Variants in NRXN3 observed in about 807,000 individuals in gnomAD.
The protein encoded by NRXN3 is neurexin III.
Under a neutral mutation model 137.6 loss-of-function variants are expected in NRXN3, and 32 were observed. The observed-to-expected ratio is 0.23, with a 90% CI of 0.18 to 0.31. The LOEUF (loss-of-function observed/expected upper bound fraction) is 0.31. Ranked by LOEUF, NRXN3 falls within the 10% of genes least tolerant of loss-of-function variation. The probability of loss-of-function intolerance (pLI) is 1.00; values close to 1 mark genes in which losing one functional copy is unlikely to be tolerated. For missense variants in NRXN3, 1,574 were observed against 2,062.5 expected (o/e 0.76, Z 4.59); for synonymous variants, 798 against 784.5 (o/e 1.02, Z -0.29).
intron 15 of NRXN3, among the ~76,000 whole-genome samples, chr14:79,303,671 T>TG (rs2085528447): frequency 6.6e-6 from 1 of 152,078 alleles, no homozygotes; most frequent in Non-Finnish European, 1.5e-5. Context: ...TAAATATTTT[T>TG]GGCTTTTCAC....
chr14:79,625,572 A>G (rs534217055), intron 16 of NRXN3, among the ~76,000 whole-genome samples: 99 of 151,986 alleles, frequency 6.5e-4, no homozygotes, highest in African/African-American at 2.4e-3. Flanking sequence ...TCCCACTAAC[A>G]GTGTACAGGC....
rs2099420482 is a variant in NRXN3 at position 78,967,341 on chromosome 14, G to A, written c.2911G>A (p.Val971Met). The A allele has an allele frequency of 2.5e-6, 4 of 1,614,086 alleles. No individual in the cohort carries two copies. The highest frequency in any genetic ancestry group is 1.1e-5 in the South Asian group (1 of 91,080). Residue 971 changes from valine to methionine, a missense_variant, in exon 13 of 21, where the codon GTG becomes ATG. Val to Met is a conservative substitution (Grantham distance 21). Around this residue, in one of 5 missense-constraint regions of NRXN3, gnomAD observed 718 missense variants for 887.6 expected, o/e 0.81. Coordinates refer to ENST00000335750, the MANE Select transcript of NRXN3 (RefSeq NM_001330195.2). ...CAATAGTAACACTCATAGCCTGAAA[G>A]TGGACACCAAAGTGGTCACTCAGGT... ...RDNSNTHSLK[V>M]DTKVVTQVIN...
intron 6 of NRXN3, among the ~76,000 whole-genome samples, chr14:78,685,802 T>TTTTC (rs1489419253): frequency 1.4e-5 from 2 of 147,276 alleles, no homozygotes; most frequent in South Asian, 4.2e-4. Flanking sequence ...CAGCTAATGT[T>TTTTC]TTTCTTTCTT....
chr14:79,737,454 A>AT (rs1317483304), intron 19 of NRXN3, among the ~76,000 whole-genome samples: 1 of 152,230 alleles, frequency 6.6e-6, no homozygotes, highest in Non-Finnish European at 1.5e-5. Flanking sequence ...GATTAAAAAC[A>AT]TTAACTATAG....
intron 4 of NRXN3, among the ~76,000 whole-genome samples, chr14:78,387,415 T>C (rs749170758): frequency 6.6e-6 from 1 of 152,166 alleles, no homozygotes; most frequent in Non-Finnish European, 1.5e-5. Flanking sequence ...GGGGTGACCT[T>C]AAATAAGTGA....
intron 15 of NRXN3, among the ~76,000 whole-genome samples, chr14:79,334,598 T>G (rs2092094692): frequency 6.6e-6 from 1 of 152,192 alleles, no homozygotes; most frequent in South Asian, 2.1e-4. Flanking sequence ...GGCTTTGAAT[T>G]TAATATAATT....
intron 4 of NRXN3, among the ~76,000 whole-genome samples, chr14:78,302,564 T>C (rs1279800984): frequency 1.3e-5 from 2 of 152,192 alleles, no homozygotes; most frequent in African/African-American, 4.8e-5. Flanking sequence ...TAGCTACCTC[T>C]CTACACTGAC....
At chr14:78,699,036 G>A (rs2098254434) in intron 6 of NRXN3, among the ~76,000 whole-genome samples, 1 of 151,928 alleles carries the variant, frequency 6.6e-6, no homozygotes, top group Non-Finnish European at 1.5e-5. Flanking sequence ...CACGTACTTT[G>A]TGTCAGGCAT....
intron 6 of NRXN3, among the ~76,000 whole-genome samples, chr14:78,665,573 T>G (rs1362943696): frequency 6.6e-6 from 1 of 152,014 alleles, no homozygotes; most frequent in Non-Finnish European, 1.5e-5. Context: ...ACTGAATCAA[T>G]GAGATAGTGA....
intron 16 of NRXN3, among the ~76,000 whole-genome samples, chr14:79,582,288 G>C (rs2097723855): frequency 6.6e-6 from 1 of 151,994 alleles, no homozygotes; most frequent in African/African-American, 2.4e-5. Flanking sequence ...TAAGGTAATA[G>C]GAGCTCACAA....
intron 20 of NRXN3, among the ~76,000 whole-genome samples, chr14:79,834,153 C>T (rs762872187): frequency 2.0e-5 from 3 of 152,066 alleles, no homozygotes; most frequent in Non-Finnish European, 2.9e-5. Flanking sequence ...AAACAGGTCC[C>T]ACGGCTACCA....
chr14:79,224,699 A>G (rs1056918398), intron 15 of NRXN3, among the ~76,000 whole-genome samples: 1 of 152,180 alleles, frequency 6.6e-6, no homozygotes, highest in Admixed American at 6.5e-5. Context: ...TCTGACTTGT[A>G]TCCTTATAAT....
intron 15 of NRXN3, among the ~76,000 whole-genome samples, chr14:79,372,802 G>A (rs2094149171): frequency 6.6e-6 from 1 of 152,180 alleles, no homozygotes; most frequent in Middle Eastern, 3.4e-3. Flanking sequence ...TACCCCCAAA[G>A]AAACTTGACA....
intron 4 of NRXN3, among the ~76,000 whole-genome samples, chr14:78,327,120 C>T (rs2080202245): frequency 6.6e-6 from 1 of 152,134 alleles, no homozygotes; most frequent in Non-Finnish European, 1.5e-5. Context: ...GTGCTCAGTG[C>T]AAGACTCAAT....
At chr14:79,689,949 C>A (rs941265014) in intron 17 of NRXN3, among the ~76,000 whole-genome samples, 3 of 152,108 alleles carry the variant, frequency 2.0e-5, no homozygotes, top group Non-Finnish European at 4.4e-5. Flanking sequence ...GAATATTTAG[C>A]TTTATACTTG....
At chr14:78,794,818 TA>T in intron 8 of NRXN3, among the ~76,000 whole-genome samples, 1 of 152,224 alleles carries the variant, frequency 6.6e-6, no homozygotes, top group East Asian at 1.9e-4. Context: ...CTCACATCTG[TA>T]ATCCCAGCAC....
At chr14:79,685,593 C>A (rs2098691384) in intron 17 of NRXN3, among the ~76,000 whole-genome samples, 1 of 152,154 alleles carries the variant, frequency 6.6e-6, no homozygotes, top group African/African-American at 2.4e-5. Flanking sequence ...TGAAAATATT[C>A]TCTTAAATTA....
chr14:78,306,721 C>T (rs2077405704), intron 4 of NRXN3, among the ~76,000 whole-genome samples: 1 of 151,966 alleles, frequency 6.6e-6, no homozygotes, highest in Non-Finnish European at 1.5e-5. Flanking sequence ...TAATAGATTC[C>T]AGGGTGACAT....
intron 16 of NRXN3, among the ~76,000 whole-genome samples, chr14:79,577,114 G>A (rs943794974): frequency 2.0e-5 from 3 of 152,070 alleles, no homozygotes; most frequent in African/African-American, 4.8e-5. Flanking sequence ...TCCCCTGCAC[G>A]AGCTATCTTG....
Sources: gnomAD v4.1 joint callset for allele counts (sites outside exome capture counted in the v4.1 genomes callset) on GRCh38, gnomAD v4.1.1 for gene constraint, gnomAD v4.1.1 regional missense constraint, MANE v1.5 for transcripts, NCBI Gene and HGNC (gene_info 2026-07-23, HGNC 2026-07-21) for gene names.